Variants in TRPS1 observed in about 807,000 individuals in gnomAD.
TRPS1 encodes the protein zinc finger transcription factor Trps1.
A neutral mutation model predicts 101.2 loss-of-function variants in TRPS1; 6 were observed. The observed-to-expected ratio is 0.06, with a 90% confidence interval of 0.03 to 0.12. The LOEUF (loss-of-function observed/expected upper bound fraction) is 0.12. Ranked by LOEUF, TRPS1 falls within the 10% of genes least tolerant of loss-of-function variation. The pLI is 1.00. For synonymous variants in TRPS1, 578 were observed against 589.8 expected (o/e 0.98, Z 0.29); for missense variants, 1,363 against 1,567.0 (o/e 0.87, Z 2.20).
intron 5 of TRPS1, among the ~76,000 whole-genome samples, chr8:115,471,031 C>A (rs1814456205): frequency 6.6e-6 from 1 of 152,130 alleles, no homozygotes; most frequent in South Asian, 2.1e-4. Flanking sequence ...CTGATGTGAG[C>A]CAGGGTCTAG....
chr8:115,467,231 T>C (rs989340011), intron 5 of TRPS1, among the ~76,000 whole-genome samples: 2 of 152,148 alleles, frequency 1.3e-5, no homozygotes, highest in African/African-American at 4.8e-5. Context: ...GATTCTGTCA[T>C]ATGAAGTGGC....
At chr8:115,640,904 G>A (rs1818880504) in intron 1 of TRPS1, among the ~76,000 whole-genome samples, 1 of 152,142 alleles carries the variant, frequency 6.6e-6, no homozygotes, top group South Asian at 2.1e-4. Context: ...TCTGACAATG[G>A]AACTTCTACA....
intron 4 of TRPS1, among the ~76,000 whole-genome samples, chr8:115,588,641 G>A (rs1235364348): frequency 1.3e-5 from 2 of 152,176 alleles, no homozygotes; most frequent in Non-Finnish European, 2.9e-5. Context: ...TGTGGAAAAA[G>A]TCATATTTTG....
intron 5 of TRPS1, among the ~76,000 whole-genome samples, chr8:115,431,659 C>T (rs1813321873): frequency 6.6e-6 from 1 of 151,902 alleles, no homozygotes; most frequent in South Asian, 2.1e-4. Context: ...CATTGTAGAT[C>T]ACATTCCCTC....
At chr8:115,517,598 A>C (rs1232127503) in intron 5 of TRPS1, among the ~76,000 whole-genome samples, 1 of 151,760 alleles carries the variant, frequency 6.6e-6, no homozygotes, top group Non-Finnish European at 1.5e-5. Context: ...TATGCAGAGA[A>C]AAAAAGATTA....
chr8:115,665,583 T>C (rs1193823950), intron 1 of TRPS1, among the ~76,000 whole-genome samples: 1 of 152,198 alleles, frequency 6.6e-6, no homozygotes, highest in Non-Finnish European at 1.5e-5. Context: ...GTAGTATGTG[T>C]AACTTATTTC....
Position 115,409,241 on chromosome 8 carries a change from T to C in TRPS1, c.*4782A>G, listed in dbSNP as rs1359435895. 7.6e-6 allele frequency: 1 copy of C among 132,356 alleles called. No individual in the cohort carries two copies. Among genetic ancestry groups the C allele is most frequent in the Non-Finnish European group, 1.5e-5 (1 of 65,286 alleles). 8.2% of individuals were successfully genotyped at this position (132,356 alleles called of 1,614,324 possible). A position where few individuals can be genotyped will look rare whatever the true frequency, so the allele number is the denominator to read the frequency against. On this transcript the variant is annotated 3_prime_UTR_variant, in exon 7 of 7. Coordinates refer to ENST00000395715, the MANE Select transcript of TRPS1 (RefSeq NM_014112.5). ...TGAGGCACAAAAAGAAAAAGTGATA[T>C]GCTGCAGTTTATATGTTGGGAAAAA...
chr8:115,615,414 G>A (rs761603749), intron 3 of TRPS1, among the ~76,000 whole-genome samples: 4 of 152,270 alleles, frequency 2.6e-5, no homozygotes, highest in South Asian at 4.1e-4. Flanking sequence ...CAAAGGCCGC[G>A]TTGTTAATGC....
intron 1 of TRPS1, among the ~76,000 whole-genome samples, chr8:115,630,983 G>A (rs964781009): frequency 2.0e-5 from 3 of 152,046 alleles, no homozygotes; most frequent in African/African-American, 7.2e-5. Context: ...ATATTTGTCT[G>A]CCTCTATAGT....
chr8:115,439,943 T>C (rs146196333), intron 5 of TRPS1, among the ~76,000 whole-genome samples: 38 of 152,350 alleles, frequency 2.5e-4, no homozygotes, highest in African/African-American at 9.1e-4. Context: ...AATTGTGTTA[T>C]GGGCTGCACT....
chr8:115,564,721 T>C (rs1238657972), intron 5 of TRPS1, among the ~76,000 whole-genome samples: 1 of 152,112 alleles, frequency 6.6e-6, no homozygotes, highest in Admixed American at 6.6e-5. Flanking sequence ...TACCCCAAGA[T>C]TTCTGTCCAC....
intron 5 of TRPS1, among the ~76,000 whole-genome samples, chr8:115,554,502 T>G (rs981571860): frequency 2.6e-5 from 4 of 152,158 alleles, no homozygotes; most frequent in African/African-American, 9.7e-5. Flanking sequence ...ATAAAATGAT[T>G]GATTCAGGGT....
At chr8:115,641,669 C>G (rs1453208102) in intron 1 of TRPS1, among the ~76,000 whole-genome samples, 5 of 152,164 alleles carry the variant, frequency 3.3e-5, no homozygotes, top group African/African-American at 9.7e-5. Flanking sequence ...CACCTGAGGT[C>G]AGGAGTTCGA....
chr8:115,577,407 C>T (rs1387518230), intron 5 of TRPS1, among the ~76,000 whole-genome samples: 1 of 151,974 alleles, frequency 6.6e-6, no homozygotes, highest in Non-Finnish European at 1.5e-5. Context: ...AGCACAAATG[C>T]AATGTTAATT....
chr8:115,493,298 A>G (rs1815072645), intron 5 of TRPS1, among the ~76,000 whole-genome samples: 1 of 152,242 alleles, frequency 6.6e-6, no homozygotes, highest in Non-Finnish European at 1.5e-5. Context: ...CATGGCATAT[A>G]GCCTTTAAAA....
chr8:115,462,663 T>C (rs1409163676), intron 5 of TRPS1, among the ~76,000 whole-genome samples: 3 of 145,386 alleles, frequency 2.1e-5, no homozygotes, highest in Non-Finnish European at 3.0e-5. Context: ...TTTTTCATCA[T>C]CTCAAGAAAT....
At chr8:115,451,523 A>G (rs1233054017) in intron 5 of TRPS1, among the ~76,000 whole-genome samples, 1 of 152,180 alleles carries the variant, frequency 6.6e-6, no homozygotes, top group Non-Finnish European at 1.5e-5. Flanking sequence ...TCGCCAATAA[A>G]CACTAGATCA....
intron 1 of TRPS1, among the ~76,000 whole-genome samples, chr8:115,640,747 A>G (rs1818877079): frequency 6.6e-6 from 1 of 152,238 alleles, no homozygotes; most frequent in Admixed American, 6.5e-5. Context: ...TGAAGGGCGT[A>G]GTCTATGTTC....
At chr8:115,423,046 G>A (rs1813106888) in intron 5 of TRPS1, among the ~76,000 whole-genome samples, 2 of 152,184 alleles carry the variant, frequency 1.3e-5, no homozygotes, top group Admixed American at 1.3e-4. Context: ...AAGAGTAGCT[G>A]CAATCTCTGC....
Sources: gnomAD v4.1 joint callset for allele counts (sites outside exome capture counted in the v4.1 genomes callset) on GRCh38, gnomAD v4.1.1 for gene constraint, MANE v1.5 for transcripts, NCBI Gene and HGNC (gene_info 2026-07-23, HGNC 2026-07-21) for gene names.